The following SAMSN1 variants were observed in gnomAD, a reference collection of about 807,000 sequenced individuals.
The protein encoded by SAMSN1 is SAM domain, SH3 domain and nuclear localization signals 1.
SAMSN1 carries 31 observed loss-of-function variants against 42.0 expected under a neutral mutation model. The ratio of observed to expected loss-of-function variants is 0.74; its 90% confidence interval spans 0.55 to 1.00. The LOEUF (loss-of-function observed/expected upper bound fraction) is 1.00, where lower values mean the gene tolerates loss of function less well. Among genes scored for constraint, SAMSN1 ranks in the 50% least tolerant of loss-of-function variants. SAMSN1 has a pLI of 0.00. For synonymous variants in SAMSN1, 178 were observed against 151.9 expected, an observed-to-expected ratio of 1.17 and a Z score of -1.26; for missense variants, 464 against 439.4, an observed-to-expected ratio of 1.06 and a Z score of -0.50.
chr21:14,617,062 A>G (rs1252366909), intron 2 of SAMSN1, among the ~76,000 whole-genome samples: 3 of 152,216 alleles, frequency 2.0e-5, no homozygotes, highest in South Asian at 4.1e-4. Context: ...AAAACCCCAC[A>G]CACTGAAACA....
chr21:14,639,764 C>A (rs994904804), intron 2 of SAMSN1, among the ~76,000 whole-genome samples: 7 of 151,726 alleles, frequency 4.6e-5, no homozygotes, highest in African/African-American at 1.7e-4. Flanking sequence ...TTTTTTTCAG[C>A]GCATTTACTT....
intron 5 of SAMSN1, chr21:14,609,450 G>A: frequency 1.4e-6 from 1 of 716,998 alleles, no homozygotes; most frequent in Non-Finnish European, 2.6e-6. Flanking sequence ...TTGGGAAAAT[G>A]CAAAGTCAGC....
At chr21:14,558,814 TC>T (rs1980847468) in intron 2 of SAMSN1, among the ~76,000 whole-genome samples, 1 of 152,192 alleles carries the variant, frequency 6.6e-6, no homozygotes, top group East Asian at 1.9e-4. Flanking sequence ...TAACATTCTG[TC>T]CCATGGCTTC....
chr21:14,567,471 G>C (rs1376415039), intron 2 of SAMSN1, among the ~76,000 whole-genome samples: 2 of 152,098 alleles, frequency 1.3e-5, no homozygotes, highest in African/African-American at 2.4e-5. Context: ...CCCTTTGCTT[G>C]GGGATTTTTC....
chr21:14,607,805 T>G (rs544835650), intron 5 of SAMSN1, among the ~76,000 whole-genome samples: 1 of 152,310 alleles, frequency 6.6e-6, no homozygotes, highest in South Asian at 2.1e-4. Flanking sequence ...AAGAAATTTA[T>G]GGAAAAATTT....
chr21:14,540,446 GA>G (rs1294874452), intron 1 of SAMSN1, among the ~76,000 whole-genome samples: 2 of 151,824 alleles, frequency 1.3e-5, no homozygotes, highest in African/African-American at 2.4e-5. Flanking sequence ...AAATATACAA[GA>G]AAAAAACAAA....
At chr21:14,524,243 A>G (rs192691747) in intron 1 of SAMSN1, among the ~76,000 whole-genome samples, 115 of 152,308 alleles carry the variant, frequency 7.6e-4, no homozygotes, top group African/African-American at 2.5e-3. Flanking sequence ...TTCCTAAATA[A>G]TAGTACTTAA....
chr21:14,488,890 C>T (rs1016266860), intron 7 of SAMSN1, among the ~76,000 whole-genome samples: 8 of 152,150 alleles, frequency 5.3e-5, no homozygotes, highest in Non-Finnish European at 2.9e-5. Flanking sequence ...CTGGAACTCT[C>T]AACTGTAACT....
At chr21:14,532,160 C>A (rs1979307219) in intron 1 of SAMSN1, among the ~76,000 whole-genome samples, 1 of 152,102 alleles carries the variant, frequency 6.6e-6, no homozygotes. Flanking sequence ...CTCAGCAGAG[C>A]AAGGTCACTC....
chr21:14,546,709 A>G (rs1314750816), upstream of SAMSN1, among the ~76,000 whole-genome samples: 1 of 150,986 alleles, frequency 6.6e-6, no homozygotes, highest in African/African-American at 2.4e-5. Flanking sequence ...TCAATTTTGT[A>G]TATATTTTTT....
chr21:14,586,350 C>A (rs1018984531), upstream of SAMSN1, among the ~76,000 whole-genome samples: 1 of 151,052 alleles, frequency 6.6e-6, no homozygotes, highest in Non-Finnish European at 1.5e-5. Flanking sequence ...ATTCTCTTAT[C>A]CATTACCTAC....
At chr21:14,502,128 T>C (rs1431325050) in intron 5 of SAMSN1, among the ~76,000 whole-genome samples, 1 of 152,236 alleles carries the variant, frequency 6.6e-6, no homozygotes, top group East Asian at 1.9e-4. Flanking sequence ...TATTTTTTCC[T>C]GCTGCTCTGA....
chr21:14,616,538 T>C (rs1454790498), intron 2 of SAMSN1, among the ~76,000 whole-genome samples: 1 of 152,182 alleles, frequency 6.6e-6, no homozygotes, highest in Non-Finnish European at 1.5e-5. Flanking sequence ...TTTCTTCAGA[T>C]CAAGTGACCA....
chr21:14,604,512 A>G (rs1982516282), intron 5 of SAMSN1, among the ~76,000 whole-genome samples: 1 of 152,214 alleles, frequency 6.6e-6, no homozygotes, highest in South Asian at 2.1e-4. Flanking sequence ...CAGGAGTTTC[A>G]GATCAGCTTG....
chr21:14,610,532 C>G (rs181603762), intron 4 of SAMSN1, among the ~76,000 whole-genome samples: 2 of 152,216 alleles, frequency 1.3e-5, no homozygotes, highest in East Asian at 3.8e-4. Context: ...CTGTGACCCA[C>G]ACCCTATTCG....
chr21:14,528,213 C>T (rs1202942432), intron 1 of SAMSN1, among the ~76,000 whole-genome samples: 1 of 152,102 alleles, frequency 6.6e-6, no homozygotes, highest in Non-Finnish European at 1.5e-5. Flanking sequence ...GCTTGGCCTA[C>T]TCACTCCTAT....
intron 1 of SAMSN1, among the ~76,000 whole-genome samples, chr21:14,525,764 T>A (rs1211679700): frequency 1.3e-5 from 2 of 152,244 alleles, no homozygotes; most frequent in Non-Finnish European, 2.9e-5. Flanking sequence ...ATTTTACATA[T>A]ATTTAAAATG....
intron 4 of SAMSN1, among the ~76,000 whole-genome samples, chr21:14,612,052 G>A (rs1376757853): frequency 6.6e-6 from 1 of 152,140 alleles, no homozygotes; most frequent in African/African-American, 2.4e-5. Context: ...GGCCAACACA[G>A]TGAAACCTGT....
chr21:14,609,976 A>C (rs1225442237), intron 4 of SAMSN1, among the ~76,000 whole-genome samples: 1 of 152,146 alleles, frequency 6.6e-6, no homozygotes, highest in East Asian at 1.9e-4. Flanking sequence ...TAAGGTGAGG[A>C]TGTATGTCGC....
Sources: allele counts gnomAD v4.1 joint callset (sites outside exome capture counted in the v4.1 genomes callset), GRCh38; gene constraint gnomAD v4.1.1; transcripts MANE v1.5; gene names NCBI Gene and HGNC (gene_info 2026-07-23, HGNC 2026-07-21).